FBXL7: variants seen among roughly 807,000 people sequenced by gnomAD.
The protein encoded by FBXL7 is F-box and leucine rich repeat protein 7, also known as F-box/LRR-repeat protein 7.
A neutral mutation model predicts 38.3 loss-of-function variants in FBXL7; 12 were observed. That is an observed-to-expected ratio of 0.31 (90% CI 0.20 to 0.51). The LOEUF (loss-of-function observed/expected upper bound fraction) is 0.51. FBXL7 is among the 20% of genes least tolerant of loss of function. The pLI, the probability that FBXL7 is intolerant of heterozygous loss-of-function variation, is 0.98. For synonymous variants in FBXL7, 297 were observed against 300.9 expected (o/e 0.99, Z 0.13); for missense variants, 567 against 676.4 (o/e 0.84, Z 1.79).
At chr5:15,671,582 A>G (rs972037450) in intron 2 of FBXL7, among the ~76,000 whole-genome samples, 2 of 152,278 alleles carry the variant, frequency 1.3e-5, no homozygotes, top group African/African-American at 4.8e-5. Context: ...AAGGCTGAGA[A>G]GCAATGACTT....
At chr5:15,655,493 C>CAA (rs58395302) in intron 2 of FBXL7, among the ~76,000 whole-genome samples, 1 of 130,310 alleles carries the variant, frequency 7.7e-6, no homozygotes, top group Admixed American at 7.8e-5. Flanking sequence ...GACTCTGTCT[C>CAA]AAAAAAAAAA....
intron 1 of FBXL7, among the ~76,000 whole-genome samples, chr5:15,590,765 G>C (rs963913207): frequency 6.6e-6 from 1 of 152,084 alleles, no homozygotes; most frequent in East Asian, 1.9e-4. Context: ...GAGGCGTTGA[G>C]AGCAGAGATG....
chr5:15,935,714 G>T (rs958902682), intron 3 of FBXL7, among the ~76,000 whole-genome samples: 5 of 152,208 alleles, frequency 3.3e-5, no homozygotes, highest in Non-Finnish European at 5.9e-5. Flanking sequence ...GACTCAGAAG[G>T]TCTGTTCAAT....
chr5:15,884,595 A>G (rs1740601204), intron 2 of FBXL7, among the ~76,000 whole-genome samples: 1 of 152,322 alleles, frequency 6.6e-6, no homozygotes, highest in South Asian at 2.1e-4. Context: ...TTGAAGAGAT[A>G]CAAACATTCA....
At chr5:15,507,598 T>C (rs1736681337) in intron 1 of FBXL7, among the ~76,000 whole-genome samples, 1 of 152,206 alleles carries the variant, frequency 6.6e-6, no homozygotes, top group South Asian at 2.1e-4. Flanking sequence ...CATTTTAAGA[T>C]GGCCTTAGGG....
chr5:15,883,119 C>G (rs1469834653), intron 2 of FBXL7, among the ~76,000 whole-genome samples: 1 of 152,042 alleles, frequency 6.6e-6, no homozygotes, highest in East Asian at 1.9e-4. Flanking sequence ...AATTTATCAT[C>G]ATATATTATT....
chr5:15,832,845 A>G (rs1298159309), intron 2 of FBXL7, among the ~76,000 whole-genome samples: 1 of 152,116 alleles, frequency 6.6e-6, no homozygotes, highest in Non-Finnish European at 1.5e-5. Flanking sequence ...GTCCCCACCC[A>G]AATCTCATCT....
chr5:15,677,083 A>G (rs1742681086), intron 2 of FBXL7, among the ~76,000 whole-genome samples: 1 of 152,212 alleles, frequency 6.6e-6, no homozygotes, highest in Admixed American at 6.5e-5. Flanking sequence ...TCTTATTATC[A>G]TCAATAGCAA....
At chr5:15,780,392 TCCA>T (rs1736963256) in intron 2 of FBXL7, among the ~76,000 whole-genome samples, 1 of 152,032 alleles carries the variant, frequency 6.6e-6, no homozygotes, top group Non-Finnish European at 1.5e-5. Context: ...CTGATCAAAC[TCCA>T]CCAAGTCAGA....
chr5:15,603,558 T>C (rs1349273315), intron 1 of FBXL7, among the ~76,000 whole-genome samples: 1 of 152,184 alleles, frequency 6.6e-6, no homozygotes, highest in East Asian at 1.9e-4. Context: ...AATTCTCCAC[T>C]CTGTGTAGGC....
intron 2 of FBXL7, among the ~76,000 whole-genome samples, chr5:15,774,323 C>T (rs1387948907): frequency 6.9e-6 from 1 of 144,320 alleles, no homozygotes; most frequent in Non-Finnish European, 1.5e-5. Context: ...TCTCAATACT[C>T]TTAACTTGAT....
At chr5:15,541,443 G>GCATATA (rs1737746681) in intron 1 of FBXL7, among the ~76,000 whole-genome samples, 1 of 38,426 alleles carries the variant, frequency 2.6e-5, no homozygotes, top group African/African-American at 9.4e-5. Context: ...GTGTGTGTGT[G>GCATATA]TATATATATA....
intron 2 of FBXL7, among the ~76,000 whole-genome samples, chr5:15,722,996 T>A (rs1274266748): frequency 3.3e-5 from 5 of 151,600 alleles, no homozygotes; most frequent in Non-Finnish European, 1.5e-5. Context: ...GACAAGGGAA[T>A]GGATAATTCA....
chr5:15,631,512 A>G (rs1363901118), intron 2 of FBXL7, among the ~76,000 whole-genome samples: 1 of 151,992 alleles, frequency 6.6e-6, no homozygotes, highest in Non-Finnish European at 1.5e-5. Context: ...ACTGACCAAC[A>G]TGGTGAAACC....
chr5:15,928,419 C>G lies in FBXL7; in HGVS notation c.657C>G (p.Val219=), dbSNP rs1303108476. The G allele has an allele frequency of 1.9e-6, 3 of 1,614,070 alleles. No individual in the cohort carries two copies. The East Asian group carries it at 6.7e-5, about 36-fold the overall frequency. ...QCCPELRRLE[V]SGCYNISNEA... ...GCCCCGAACTGAGGCGACTGGAAGT[C>G]TCAGGCTGTTACAATATCTCCAACG... Residue 219 remains valine, a synonymous_variant, in exon 3 of 4, where the codon GTC becomes GTG. Transcript: ENST00000504595. The surrounding 1 kb of genome is among the most constrained non-coding windows in gnomAD (Gnocchi z 4.0).
chr5:15,873,012 A>G (rs1740034698), intron 2 of FBXL7, among the ~76,000 whole-genome samples: 2 of 152,188 alleles, frequency 1.3e-5, no homozygotes, highest in African/African-American at 4.8e-5. Flanking sequence ...TTATTCTAAA[A>G]TCAACCACAT....
intron 2 of FBXL7, among the ~76,000 whole-genome samples, chr5:15,832,823 T>G (rs1043328478): frequency 7.9e-5 from 12 of 152,160 alleles, no homozygotes; most frequent in African/African-American, 2.9e-4. Flanking sequence ...CTTTTTGATA[T>G]GATTTGGCTG....
Position 15,516,498 on chromosome 5 carries a change from A to C in FBXL7, c.37+15785A>C, listed in dbSNP as rs116224022. Among the ~76,000 whole-genome samples the C allele has an allele frequency of 9.5e-3, 1,441 of 152,296 alleles. 22 individuals carry two copies. The highest frequency in any genetic ancestry group is 0.033 in the African/African-American group (1,376 of 41,560). ...TTTATGTCTTACTTTGCATATAGTT[A>C]CTTGCATGTCTTTAATTCAATATAT... is the stretch of plus-strand genomic sequence containing the variant. On this transcript the variant is annotated intron_variant, in intron 1 of 3. Coordinates refer to ENST00000504595, the MANE Select transcript of FBXL7 (RefSeq NM_012304.5).
intron 1 of FBXL7, among the ~76,000 whole-genome samples, chr5:15,551,444 G>T (rs1738067033): frequency 6.6e-6 from 1 of 152,156 alleles, no homozygotes; most frequent in South Asian, 2.1e-4. Flanking sequence ...GGTCTGTAGT[G>T]TATTTATTAT....
Sources: allele counts gnomAD v4.1 joint callset (sites outside exome capture counted in the v4.1 genomes callset), GRCh38; gene constraint gnomAD v4.1.1; non-coding constraint Gnocchi (gnomAD v3.1); transcripts MANE v1.5; gene names NCBI Gene and HGNC (gene_info 2026-07-23, HGNC 2026-07-21).